Variants in EPHA6 observed in about 807,000 individuals in gnomAD.
EPHA6 encodes ephrin type-A receptor 6.
A neutral mutation model predicts 112.0 loss-of-function variants in EPHA6; 50 were observed. The observed-to-expected ratio is 0.45, with a 90% CI of 0.36 to 0.56. The LOEUF is 0.56. Among genes scored for constraint, EPHA6 ranks in the 20% least tolerant of loss-of-function variants. The probability of loss-of-function intolerance (pLI) is 0.00; values close to 1 mark genes in which losing one functional copy is unlikely to be tolerated. For synonymous variants in EPHA6, 529 were observed against 490.7 expected, an observed-to-expected ratio of 1.08 and a Z score of -1.03; for missense variants, 1,280 against 1,417.4, an observed-to-expected ratio of 0.90 and a Z score of 1.56.
chr3:96,864,389 A>G (rs950816337), intron 1 of EPHA6, among the ~76,000 whole-genome samples: 1 of 152,138 alleles, frequency 6.6e-6, no homozygotes, highest in African/African-American at 2.4e-5. Context: ...CAGTTGAAAC[A>G]TGCAGTGACA....
At chr3:96,843,366 A>C (rs2034867927) in intron 1 of EPHA6, among the ~76,000 whole-genome samples, 1 of 152,084 alleles carries the variant, frequency 6.6e-6, no homozygotes, top group African/African-American at 2.4e-5. Context: ...TTGATAGTTA[A>C]GGGAGTATGG....
rs150408635 is a variant in EPHA6 at position 97,191,920 on chromosome 3, A to G, written c.1115-34344A>G. ...GAGGCACTTCCAAACAGTTCTCCATAGTCACTGTACTAATTTACATTCCTG... is the reference window on the plus strand; with the variant it reads ...GAGGCACTTCCAAACAGTTCTCCATGGTCACTGTACTAATTTACATTCCTG... On this transcript the variant is annotated intron_variant, in intron 3 of 17. Transcript: ENST00000389672. Among the ~76,000 whole-genome samples, 398 of 152,196 alleles carry G rather than the reference A, an allele frequency of 2.6e-3. 3 individuals are homozygous for G. The highest frequency in any genetic ancestry group is 8.6e-3 in the African/African-American group (356 of 41,538).
At chr3:97,663,942 G>T (rs1306335326) in intron 14 of EPHA6, among the ~76,000 whole-genome samples, 1 of 152,132 alleles carries the variant, frequency 6.6e-6, no homozygotes, top group Admixed American at 6.5e-5. Context: ...CTAGTTTACA[G>T]TTCCAGCAAC....
At chr3:96,985,623 T>C (rs2042993991) in intron 2 of EPHA6, among the ~76,000 whole-genome samples, 1 of 152,156 alleles carries the variant, frequency 6.6e-6, no homozygotes, top group South Asian at 2.1e-4. Flanking sequence ...GTGTATTTTG[T>C]AAAATTAAAT....
At chr3:97,299,408 A>G (rs2081003952) in intron 5 of EPHA6, among the ~76,000 whole-genome samples, 1 of 152,186 alleles carries the variant, frequency 6.6e-6, no homozygotes, top group Non-Finnish European at 1.5e-5. Context: ...TCCAAGGATT[A>G]AAGAGCATCG....
chr3:96,838,017 T>A (rs1485876401), intron 1 of EPHA6, among the ~76,000 whole-genome samples: 2 of 152,094 alleles, frequency 1.3e-5, no homozygotes, highest in Non-Finnish European at 2.9e-5. Flanking sequence ...TTCTTCCTAG[T>A]CCTTTACCTC....
chr3:96,882,204 G>T (rs1188949538), intron 2 of EPHA6, among the ~76,000 whole-genome samples: 16 of 152,144 alleles, frequency 1.1e-4, no homozygotes, highest in Admixed American at 1.0e-3. Flanking sequence ...AGATTTGACT[G>T]CCCTGCTGGA....
At position 97,437,911 on chromosome 3, in the gene EPHA6, C is replaced by T. The variant is rs572940789; in HGVS notation, c.1732-10657C>T. 9.2e-5 allele frequency among the ~76,000 whole-genome samples: 14 copies of T among 152,096 alleles called. No individual in the cohort carries two copies. The South Asian group carries it at 2.9e-3, about 32-fold the overall frequency. ...ATATGTATTCTTTAAATGTTTTGCT[C>T]TCTGCTATTTATATTTCTGAGTTTT... On this transcript the variant is annotated intron_variant, in intron 6 of 17. Coordinates refer to ENST00000389672, the MANE Select transcript of EPHA6 (RefSeq NM_001080448.3).
At chr3:97,461,591 A>T (rs2107387912) in intron 7 of EPHA6, among the ~76,000 whole-genome samples, 1 of 152,292 alleles carries the variant, frequency 6.6e-6, no homozygotes, top group Admixed American at 6.5e-5. Context: ...CAGCTTCAAA[A>T]TAGTGTTTAA....
intron 2 of EPHA6, among the ~76,000 whole-genome samples, chr3:96,975,447 G>A (rs1246191603): frequency 6.6e-6 from 1 of 152,052 alleles, no homozygotes; most frequent in Non-Finnish European, 1.5e-5. Context: ...GAAACACTGG[G>A]TAATTGATTT....
chr3:97,147,355 C>T (rs1197767695), intron 3 of EPHA6, among the ~76,000 whole-genome samples: 1 of 152,060 alleles, frequency 6.6e-6, no homozygotes, highest in Non-Finnish European at 1.5e-5. Flanking sequence ...GTTCACTGTG[C>T]TCTGTATGAT....
intron 3 of EPHA6, among the ~76,000 whole-genome samples, chr3:97,067,589 A>T (rs2046217694): frequency 6.6e-6 from 1 of 151,904 alleles, no homozygotes; most frequent in Non-Finnish European, 1.5e-5. Context: ...TAAAATAGGG[A>T]GCCAAGGAGG....
At chr3:97,673,747 G>A (rs796499529) in intron 14 of EPHA6, among the ~76,000 whole-genome samples, 2 of 152,136 alleles carry the variant, frequency 1.3e-5, no homozygotes, top group South Asian at 2.1e-4. Flanking sequence ...GACTCAATGC[G>A]CTTCTGAGGG....
chr3:97,556,611 C>G (rs2093114107), intron 11 of EPHA6, among the ~76,000 whole-genome samples: 1 of 152,024 alleles, frequency 6.6e-6, no homozygotes, highest in Non-Finnish European at 1.5e-5. Flanking sequence ...TCCACCAGGT[C>G]CCTCCCAGGA....
At chr3:97,186,550 A>G (rs1044513486) in intron 3 of EPHA6, among the ~76,000 whole-genome samples, 1 of 152,112 alleles carries the variant, frequency 6.6e-6, no homozygotes, top group African/African-American at 2.4e-5. Context: ...TCCAATGAAA[A>G]GGATTTACTG....
At chr3:97,247,747 T>A (rs1372049616) in intron 5 of EPHA6, among the ~76,000 whole-genome samples, 2 of 151,804 alleles carry the variant, frequency 1.3e-5, no homozygotes, top group African/African-American at 2.4e-5. Context: ...TGAAACAAGT[T>A]AAAGAATCAG....
intron 10 of EPHA6, among the ~76,000 whole-genome samples, chr3:97,520,146 C>T (rs1314188466): frequency 1.3e-5 from 2 of 151,662 alleles, no homozygotes; most frequent in African/African-American, 4.8e-5. Context: ...GTTGTGTGTT[C>T]TTAGTAGAGA....
chr3:97,720,420 A>G lies in EPHA6; in HGVS notation c.2934+10A>G, dbSNP rs1218951942. On this transcript the variant is annotated intron_variant, in intron 15 of 17. Coordinates refer to ENST00000389672, the MANE Select transcript of EPHA6 (RefSeq NM_001080448.3). ...AATGTCTAACCAAGATGTAAGTGCT[A>G]CCGATAGTTAAACTGCCATTTTGTG... 1 of 1,586,572 alleles carries G rather than the reference A, an allele frequency of 6.3e-7. No individual in the cohort carries two copies. Among genetic ancestry groups the G allele is most frequent in the Admixed American group, 1.8e-5 (1 of 54,726 alleles).
intron 5 of EPHA6, among the ~76,000 whole-genome samples, chr3:97,341,204 C>T (rs1024710369): frequency 2.0e-5 from 3 of 151,942 alleles, no homozygotes; most frequent in South Asian, 2.1e-4. Flanking sequence ...GCAATGGGCA[C>T]GTTGGCTGTC....
Sources: allele counts gnomAD v4.1 joint callset (sites outside exome capture counted in the v4.1 genomes callset), GRCh38; gene constraint gnomAD v4.1.1; transcripts MANE v1.5; gene names NCBI Gene and HGNC (gene_info 2026-07-23, HGNC 2026-07-21).